Variants in LARP1B observed in about 807,000 individuals in gnomAD.
LARP1B encodes La ribonucleoprotein 1B.
A neutral mutation model predicts 114.2 loss-of-function variants in LARP1B; 76 were observed. That is an observed-to-expected ratio of 0.67 (90% confidence interval 0.55 to 0.81). The LOEUF (loss-of-function observed/expected upper bound fraction) is 0.81, where lower values mean the gene tolerates loss of function less well. Among genes scored for constraint, LARP1B ranks in the 30% least tolerant of loss-of-function variants. LARP1B has a pLI of 0.00. For synonymous variants in LARP1B, 345 were observed against 348.0 expected, an observed-to-expected ratio of 0.99 and a Z score of 0.10; for missense variants, 1,014 against 1,075.8, an observed-to-expected ratio of 0.94 and a Z score of 0.80.
intron 7 of LARP1B, among the ~76,000 whole-genome samples, chr4:128,091,843 C>T (rs751555083): frequency 2.7e-4 from 41 of 152,302 alleles, no homozygotes; most frequent in Non-Finnish European, 6.0e-4. Context: ...CTGATCTGCC[C>T]ACCTTGGCCT....
chr4:128,194,716 T>C (rs1753505900), intron 15 of LARP1B, among the ~76,000 whole-genome samples: 1 of 143,188 alleles, frequency 7.0e-6, no homozygotes, highest in African/African-American at 2.6e-5. Flanking sequence ...AAAAAAGTTT[T>C]CTTGGCTGGA....
rs904181931 is a variant in LARP1B at position 128,107,267 on chromosome 4, T to C, written c.942T>C (p.Ile314=). The stretch of plus-strand genomic sequence containing the variant: ...CACCAACAGACTTCTCTCAACTGAT[T>C]GATTGTCCAGAGTTTGTACCAGGCC... ...SVPPTDFSQL[I]DCPEFVPGQA... The change falls in exon 9 of 20, where the codon ATT becomes ATC. Residue 314 remains isoleucine (I), a synonymous_variant. Transcript: ENST00000326639. 1 of 1,614,178 alleles carries C rather than the reference T, an allele frequency of 6.2e-7. No homozygotes were observed. Among genetic ancestry groups the C allele is most frequent in the East Asian group, 2.2e-5 (1 of 44,882 alleles).
At chr4:128,115,787 C>T (rs964393527) in intron 10 of LARP1B, among the ~76,000 whole-genome samples, 35 of 152,258 alleles carry the variant, frequency 2.3e-4, no homozygotes, top group African/African-American at 8.4e-4. Context: ...ACCTGACTTA[C>T]TGGGATTACA....
chr4:128,196,681 A>G (rs1442187688), intron 15 of LARP1B, among the ~76,000 whole-genome samples: 1 of 151,836 alleles, frequency 6.6e-6, no homozygotes, highest in Admixed American at 6.6e-5. Flanking sequence ...TGCAACCTCT[A>G]CCAGCTATAC....
At chr4:128,067,753 C>T (rs1398642889) in intron 1 of LARP1B, among the ~76,000 whole-genome samples, 23 of 151,392 alleles carry the variant, frequency 1.5e-4, no homozygotes, top group Admixed American at 1.3e-3. Context: ...TTGCTCTCGT[C>T]GCTCAAGCTG....
intron 11 of LARP1B, among the ~76,000 whole-genome samples, chr4:128,127,613 T>C (rs1291371041): frequency 6.6e-6 from 1 of 152,124 alleles, no homozygotes. Context: ...GTGGGTGTAT[T>C]ACCTGAGGTC....
At chr4:128,111,339 G>C (rs1393851291) in intron 9 of LARP1B, among the ~76,000 whole-genome samples, 3 of 152,086 alleles carry the variant, frequency 2.0e-5, no homozygotes, top group Admixed American at 6.5e-5. Flanking sequence ...GAGCCACCAA[G>C]CCCAGCTCTT....
At chr4:128,097,625 A>G (rs1489474515) in intron 7 of LARP1B, among the ~76,000 whole-genome samples, 1 of 152,172 alleles carries the variant, frequency 6.6e-6, no homozygotes, top group East Asian at 1.9e-4. Flanking sequence ...TGAGTTTTTA[A>G]CTAAGAATTG....
rs1247197692 is a variant in LARP1B, at chr4:128,105,064, G to T, written c.814-2075G>T. 9.3e-5 allele frequency among the ~76,000 whole-genome samples: 11 copies of T among 118,384 alleles called. No individual in the cohort carries two copies. The South Asian group carries it at 3.5e-3, about 38-fold the overall frequency. The allele number at this position is 118,384 out of a possible 152,430, so 77.7% of individuals were successfully genotyped here. A position where few individuals can be genotyped will look rare whatever the true frequency, so the allele number is the denominator to read the frequency against. ...TTTAAACATATGGGAAAGTTTCAAG[G>T]AGTTTTTTTTTTGTTTTTTTTTTAC... is the stretch of plus-strand genomic sequence containing the variant. On this transcript the variant is annotated intron_variant, in intron 8 of 19. Transcript: ENST00000326639.
intron 4 of LARP1B, 112 bp from the exon 5 acceptor site, chr4:128,082,053 A>T: frequency 9.7e-7 from 1 of 1,028,626 alleles, no homozygotes; most frequent in Non-Finnish European, 1.4e-6. Flanking sequence ...AAATAATCTT[A>T]AAATACACAT....
chr4:128,062,383 C>T (rs1365743797), intron 1 of LARP1B, among the ~76,000 whole-genome samples: 1 of 152,184 alleles, frequency 6.6e-6, no homozygotes, highest in African/African-American at 2.4e-5. Context: ...TTCACTCTGC[C>T]TATTTACAGA....
intron 8 of LARP1B, among the ~76,000 whole-genome samples, chr4:128,103,581 G>A (rs1022552475): frequency 2.1e-5 from 1 of 48,436 alleles, no homozygotes; most frequent in African/African-American, 8.0e-5. Flanking sequence ...TTTTTTTTTT[G>A]AGACAGAGTC....
At chr4:128,181,508 C>T (rs750259289) in intron 15 of LARP1B, among the ~76,000 whole-genome samples, 1 of 151,976 alleles carries the variant, frequency 6.6e-6, no homozygotes, top group African/African-American at 2.4e-5. Context: ...TCTTTTTTCT[C>T]TTTTTCTGCT....
chr4:128,098,457 A>G, intron 8 of LARP1B, 127 bp downstream of exon 8: 1 of 680,052 alleles, frequency 1.5e-6, no homozygotes, highest in Admixed American at 3.2e-5. Context: ...ACAGCATTCC[A>G]TGATGTTTTT....
chr4:128,135,472 A>G (rs1323769116), intron 11 of LARP1B, among the ~76,000 whole-genome samples: 1 of 152,212 alleles, frequency 6.6e-6, no homozygotes, highest in Non-Finnish European at 1.5e-5. Flanking sequence ...TTGCGTGTCC[A>G]TGTTCAGAGC....
downstream of LARP1B, among the ~76,000 whole-genome samples, chr4:128,213,962 G>A (rs62321071): frequency 1.2e-3 from 169 of 146,254 alleles, no homozygotes; most frequent in South Asian, 2.4e-3. Context: ...TGCGCGAGCC[G>A]AAGCAGGGCG....
intron 19 of LARP1B, among the ~76,000 whole-genome samples, chr4:128,208,636 G>A (rs925641048): frequency 1.3e-5 from 2 of 152,186 alleles, no homozygotes; most frequent in Admixed American, 1.3e-4. Flanking sequence ...AAGATTGGAT[G>A]AGGAGGTTAC....
At position 128,061,984 on chromosome 4, in the gene LARP1B, G is replaced by T. The variant is rs189288413; in HGVS notation, c.-78+583G>T. On this transcript the variant is annotated intron_variant, in intron 1 of 19. Coordinates refer to ENST00000326639, the MANE Select transcript of LARP1B (RefSeq NM_018078.4). ...TGGCGCACAAGGCGCGTGGGCCCGGGGGCCCTTTCGGCGGGGAGCCGCCAC... is the reference window on the plus strand; with the variant it reads ...TGGCGCACAAGGCGCGTGGGCCCGGTGGCCCTTTCGGCGGGGAGCCGCCAC... The T allele has an allele frequency of 2.8e-3, 2,756 of 985,206 alleles. 6 individuals carry two copies. The highest frequency in any genetic ancestry group is 3.2e-3 in the Non-Finnish European group (2,616 of 829,866). The allele number at this position is 985,206 out of a possible 1,614,324, so 61.0% of individuals were successfully genotyped here. A position where few individuals can be genotyped will look rare whatever the true frequency, so the allele number is the denominator to read the frequency against.
At chr4:128,065,250 TTAA>T (rs1553982284) in intron 1 of LARP1B, among the ~76,000 whole-genome samples, 7 of 91,078 alleles carry the variant, frequency 7.7e-5, no homozygotes, top group Non-Finnish European at 1.4e-4. Flanking sequence ...TCTCCCACAA[TTAA>T]TTTCTTTCTT....
Sources: allele counts gnomAD v4.1 joint callset (sites outside exome capture counted in the v4.1 genomes callset), GRCh38; gene constraint gnomAD v4.1.1; transcripts MANE v1.5; gene names NCBI Gene and HGNC (gene_info 2026-07-23, HGNC 2026-07-21).